HK1: variants seen among roughly 807,000 people sequenced by gnomAD.
HK1 encodes hexokinase 1, also known as hexokinase-1.
A neutral mutation model predicts 91.6 loss-of-function variants in HK1; 28 were observed. The ratio of observed to expected loss-of-function variants is 0.31; its 90% confidence interval spans 0.23 to 0.42. HK1 has a LOEUF of 0.42. HK1 is among the 10% of genes least tolerant of loss of function. The pLI, the probability that HK1 is intolerant of heterozygous loss-of-function variation, is 1.00. For missense variants in HK1, 770 were observed against 1,219.8 expected, an observed-to-expected ratio of 0.63 and a Z score of 5.49; for synonymous variants, 430 against 468.1, an observed-to-expected ratio of 0.92 and a Z score of 1.05.
chr10:69,372,078 TG>T (rs1850036162), intron 7 of HK1, among the ~76,000 whole-genome samples: 2 of 152,222 alleles, frequency 1.3e-5, no homozygotes, highest in Admixed American at 6.5e-5. Context: ...CTTACATGGA[TG>T]GCAGCAGGCA....
intron 7 of HK1, among the ~76,000 whole-genome samples, chr10:69,376,138 G>A (rs1026452164): frequency 6.6e-6 from 1 of 152,148 alleles, no homozygotes; most frequent in East Asian, 1.9e-4. Flanking sequence ...CCTTTCCCTC[G>A]GAGAAGCTGT....
intron 4 of HK1, chr10:69,296,463 T>A (rs1845567439): frequency 6.6e-6 from 1 of 152,144 alleles, no homozygotes; most frequent in South Asian, 2.1e-4. Context: ...CTTTTGAAAA[T>A]AAATAAGACT....
intron 1 of HK1, among the ~76,000 whole-genome samples, chr10:69,274,015 A>G (rs921993412): frequency 6.6e-6 from 1 of 152,050 alleles, no homozygotes; most frequent in East Asian, 1.9e-4. Flanking sequence ...AATATTAAGC[A>G]TAAATAGCCA....
At chr10:69,346,062 A>G (rs1848539512) in intron 2 of HK1, among the ~76,000 whole-genome samples, 1 of 147,858 alleles carries the variant, frequency 6.8e-6, no homozygotes, top group Admixed American at 6.7e-5. Flanking sequence ...CCCAACCCCC[A>G]GTCCACTTCC....
intron 2 of HK1, among the ~76,000 whole-genome samples, chr10:69,284,345 A>T (rs185515480): frequency 9.7e-4 from 147 of 152,330 alleles, no homozygotes; most frequent in African/African-American, 3.3e-3. Flanking sequence ...TATTATATTT[A>T]TAGCAGTGCC....
intron 4 of HK1, among the ~76,000 whole-genome samples, chr10:69,367,488 T>C (rs1849768633): frequency 6.6e-6 from 1 of 152,192 alleles, no homozygotes; most frequent in Admixed American, 6.5e-5. Context: ...CACCTGGTTC[T>C]CTGAGGCTTT....
chr10:69,335,418 G>T (rs952225998), intron 1 of HK1, among the ~76,000 whole-genome samples: 1 of 152,204 alleles, frequency 6.6e-6, no homozygotes, highest in African/African-American at 2.4e-5. Flanking sequence ...TTTTGGCAAG[G>T]CCAGGCAGCC....
rs1003894409 is a variant in HK1, at chr10:69,360,022, A to G, written c.352A>G (p.Ile118Val). ...CGAGGTTTATGACACCCCAGAGAAC[A>G]TCGTGCACGGCAGTGGAAGCCAGGT... ...ESEVYDTPEN[I>V]VHGSGSQLFD... Residue 118 changes from isoleucine (I) to valine (V), a missense_variant, in exon 3 of 18, where the codon ATC becomes GTC. This residue lies in a region of HK1 where 449 missense variants were observed against 665.1 expected (regional missense o/e 0.68). Transcript: ENST00000359426. The G allele has an allele frequency of 5.0e-6, 8 of 1,614,162 alleles. No individual in the cohort carries two copies. In the East Asian group the frequency reaches 1.3e-4, roughly 27 times the overall value.
intron 5 of HK1, among the ~76,000 whole-genome samples, chr10:69,310,337 C>T (rs1290074367): frequency 6.6e-6 from 1 of 151,116 alleles, no homozygotes; most frequent in African/African-American, 2.4e-5. Flanking sequence ...ATGAGAATCG[C>T]CTGAACCCAT....
In HK1 at chr10:69,369,616, A is replaced by G; in HGVS notation, c.867A>G (p.Gly289=). The change falls in exon 7 of 18, where the codon GGA becomes GGG. Residue 289 remains glycine (G), a synonymous_variant. Transcript: ENST00000359426. This position sits in a 1 kb window ranked among gnomAD's most constrained non-coding sequence, Gnocchi z 4.4. ...TAGACCGGGGATCCCTCAACCCTGG[A>G]AAACAGCTGTGAGTCCTTGACTTTT... ...REIDRGSLNP[G]KQLFEKMVSG... is the part of the protein sequence containing the mutation. 1 of 1,614,018 alleles carries G rather than the reference A, an allele frequency of 6.2e-7. No individual in the cohort carries two copies. The highest frequency in any genetic ancestry group is 8.5e-7 in the Non-Finnish European group (1 of 1,179,970).
At chr10:69,395,228 T>C in intron 16 of HK1, 123 bp downstream of exon 16, 1 of 829,570 alleles carries the variant, frequency 1.2e-6, no homozygotes, top group Non-Finnish European at 2.0e-6. Flanking sequence ...TTTTTTTTCC[T>C]CTGGAATAGC....
At chr10:69,325,809 T>G (rs972854791) in intron 1 of HK1, among the ~76,000 whole-genome samples, 2 of 151,304 alleles carry the variant, frequency 1.3e-5, no homozygotes, top group Admixed American at 1.3e-4. Context: ...AATGCTGGGA[T>G]TACGGGTGCC....
At chr10:69,327,624 T>G (rs1304763443) in intron 1 of HK1, among the ~76,000 whole-genome samples, 2 of 152,104 alleles carry the variant, frequency 1.3e-5, no homozygotes, top group African/African-American at 4.8e-5. Flanking sequence ...GATGTGTGCG[T>G]TTTCCCATAT....
intron 14 of HK1, 198 bp downstream of exon 14, chr10:69,389,494 T>G: frequency 3.2e-6 from 2 of 619,056 alleles, no homozygotes; most frequent in Non-Finnish European, 6.0e-6. Flanking sequence ...GGGCCTTTCT[T>G]AAGACACCCA....
At chr10:69,341,579 C>T (rs1049195320) in intron 1 of HK1, among the ~76,000 whole-genome samples, 12 of 152,020 alleles carry the variant, frequency 7.9e-5, no homozygotes, top group African/African-American at 2.9e-4. Context: ...ATCCTCTTGC[C>T]TCAGCCTCCC....
At chr10:69,298,182 GC>G (rs1292984753) in intron 4 of HK1, among the ~76,000 whole-genome samples, 1 of 151,546 alleles carries the variant, frequency 6.6e-6, no homozygotes, top group Non-Finnish European at 1.5e-5. Flanking sequence ...TTGCACTCCA[GC>G]CTGGGCAAGA....
chr10:69,315,831 G>A, upstream of HK1: 2 of 908,238 alleles, frequency 2.2e-6, no homozygotes, highest in Admixed American at 1.7e-5. Context: ...AGCACTGGCT[G>A]GGCATCAGGA....
intron 1 of HK1, 29 bp downstream of exon 1, chr10:69,319,039 C>T: frequency 1.3e-6 from 2 of 1,583,408 alleles, no homozygotes; most frequent in Non-Finnish European, 1.7e-6. Flanking sequence ...CGCCGCTGGT[C>T]CTGGCCGCAG....
In HK1 at chr10:69,379,713, C is replaced by G. The variant is rs1349920948; in HGVS notation, c.1032-149C>G. On this transcript the variant is annotated intron_variant, in intron 8 of 17. Transcript: ENST00000359426. ...AGGAGAACCCTTCCTGGGCTCTTCT[C>G]AGGCATTTGACAGTCTTCATCCCAT... 5.5e-6 allele frequency: 4 copies of G among 728,718 alleles called. No individual in the cohort carries two copies. The African/African-American group carries it at 6.9e-5, about 13-fold the overall frequency. 45.1% of individuals were successfully genotyped at this position (728,718 alleles called of 1,614,324 possible). A position where few individuals can be genotyped will look rare whatever the true frequency, so the allele number is the denominator to read the frequency against.
Sources: gnomAD v4.1 joint callset for allele counts (sites outside exome capture counted in the v4.1 genomes callset) on GRCh38, gnomAD v4.1.1 for gene constraint, gnomAD v4.1.1 regional missense constraint, Gnocchi (gnomAD v3.1) non-coding constraint, MANE v1.5 for transcripts, NCBI Gene and HGNC (gene_info 2026-07-23, HGNC 2026-07-21) for gene names.